MINDY2: variants seen among roughly 807,000 people sequenced by gnomAD.
The protein encoded by MINDY2 is MINDY lysine 48 deubiquitinase 2, also known as ubiquitin carboxyl-terminal hydrolase MINDY-2.
MINDY2 carries 52 observed loss-of-function variants against 68.2 expected under a neutral mutation model. The ratio of observed to expected loss-of-function variants is 0.76; its 90% confidence interval spans 0.61 to 0.96. The LOEUF is 0.96. Among genes scored for constraint, MINDY2 ranks in the 40% least tolerant of loss-of-function variants. MINDY2 has a pLI of 0.00. For synonymous variants in MINDY2, 372 were observed against 303.0 expected (o/e 1.23, Z -2.36); for missense variants, 881 against 773.4 (o/e 1.14, Z -1.65).
chr15:58,823,537 C>G (rs1429372044), intron 5 of MINDY2, among the ~76,000 whole-genome samples: 5 of 151,916 alleles, frequency 3.3e-5, no homozygotes, highest in Non-Finnish European at 4.4e-5. Flanking sequence ...ATTAGCCAGG[C>G]ACCTCTAGCT....
intron 2 of MINDY2, among the ~76,000 whole-genome samples, chr15:58,801,380 TAAAAAAAAAAAAAAA>T (rs1188514448): frequency 8.9e-5 from 2 of 22,590 alleles, no homozygotes; most frequent in Admixed American, 9.7e-4. Flanking sequence ...CCCCATCTCT[TAAAAAAAAAAAAAAA>T]AAAAAAAAAA....
Position 58,772,062 on chromosome 15 carries a change from G to A in MINDY2, c.667G>A (p.Gly223Arg), listed in dbSNP as rs369473023. The change falls in exon 1 of 9, where the codon GGG becomes AGG. Residue 223 changes from glycine to arginine, a missense_variant. Transcript: ENST00000559228. ...GAVPLCKEEE[G>R]EETAQVLAAS... ...TGTTCCTCTGTGCAAGGAGGAGGAGGGGGAGGAGACCGCTCAGGTGCTGGC... is the reference window on the plus strand; with the variant it reads ...TGTTCCTCTGTGCAAGGAGGAGGAGAGGGAGGAGACCGCTCAGGTGCTGGC... 3 of 1,611,602 alleles carry A rather than the reference G, an allele frequency of 1.9e-6. No homozygotes were observed. The highest frequency in any genetic ancestry group is 2.5e-6 in the Non-Finnish European group (3 of 1,178,560).
chr15:58,773,990 C>A (rs1166652174), intron 1 of MINDY2, among the ~76,000 whole-genome samples: 1 of 152,120 alleles, frequency 6.6e-6, no homozygotes. Flanking sequence ...AGTCCCTAAT[C>A]TTTTTTGTAG....
chr15:58,842,307 G>A (rs1213401390), intron 6 of MINDY2, among the ~76,000 whole-genome samples: 1 of 152,008 alleles, frequency 6.6e-6, no homozygotes, highest in African/African-American at 2.4e-5. Flanking sequence ...TATGAGGTTG[G>A]TTCTGTTTGC....
chr15:58,828,180 C>T (rs1037883594), intron 5 of MINDY2, among the ~76,000 whole-genome samples: 1 of 151,892 alleles, frequency 6.6e-6, no homozygotes, highest in Non-Finnish European at 1.5e-5. Flanking sequence ...ATCATATGAG[C>T]TTTTATCTTT....
At chr15:58,782,121 T>C (rs1300019688) in intron 1 of MINDY2, among the ~76,000 whole-genome samples, 31 of 152,224 alleles carry the variant, frequency 2.0e-4, no homozygotes, top group African/African-American at 7.2e-4. Flanking sequence ...AATCCTTAAG[T>C]TTTTGAGTCC....
chr15:58,785,734 T>C (rs1032013434), intron 1 of MINDY2, among the ~76,000 whole-genome samples: 2 of 152,178 alleles, frequency 1.3e-5, no homozygotes, highest in Admixed American at 1.3e-4. Flanking sequence ...TGGAGCGTAG[T>C]GGCACGATCT....
intron 6 of MINDY2, among the ~76,000 whole-genome samples, chr15:58,842,923 G>C (rs2032350936): frequency 6.6e-6 from 1 of 152,074 alleles, no homozygotes; most frequent in Non-Finnish European, 1.5e-5. Context: ...TGACTTTCAA[G>C]TCAACAACTA....
At chr15:58,828,454 T>A (rs1348890682) in intron 5 of MINDY2, among the ~76,000 whole-genome samples, 12 of 152,178 alleles carry the variant, frequency 7.9e-5, no homozygotes, top group African/African-American at 2.9e-4. Context: ...TATTCCTTTT[T>A]GACTAATTAT....
chr15:58,793,750 C>T (rs1229952326), intron 2 of MINDY2, among the ~76,000 whole-genome samples: 2 of 152,060 alleles, frequency 1.3e-5, no homozygotes, highest in Non-Finnish European at 2.9e-5. Context: ...GTGGTTGCAG[C>T]GCGTCTCTTG....
chr15:58,781,747 G>A (rs1395265650), intron 1 of MINDY2, among the ~76,000 whole-genome samples: 2 of 151,838 alleles, frequency 1.3e-5, no homozygotes, highest in Non-Finnish European at 2.9e-5. Context: ...TACTAAAAAT[G>A]CAAAAATTAG....
intron 1 of MINDY2, among the ~76,000 whole-genome samples, chr15:58,776,431 T>C (rs1595696034): frequency 6.6e-6 from 1 of 152,128 alleles, no homozygotes; most frequent in East Asian, 1.9e-4. Context: ...AAAACCAGCA[T>C]GGGCACAATT....
intron 5 of MINDY2, among the ~76,000 whole-genome samples, chr15:58,823,868 C>T (rs2031228895): frequency 3.9e-5 from 6 of 152,088 alleles, no homozygotes; most frequent in Admixed American, 3.9e-4. Flanking sequence ...AAAAAAATTC[C>T]ACTCACTAGA....
intron 5 of MINDY2, among the ~76,000 whole-genome samples, chr15:58,831,037 G>GTATATATATATA (rs549317915): frequency 2.6e-3 from 288 of 110,300 alleles, no homozygotes; most frequent in African/African-American, 0.011. Context: ...GTGTGTGTGT[G>GTATATATATATA]TGTGTATATA....
At chr15:58,837,114 G>A (rs1184934506) in intron 6 of MINDY2, among the ~76,000 whole-genome samples, 2 of 152,058 alleles carry the variant, frequency 1.3e-5, no homozygotes, top group Non-Finnish European at 2.9e-5. Context: ...GTGTCCATTT[G>A]CTTAATAAGG....
At chr15:58,824,885 G>T (rs1567063189) in intron 5 of MINDY2, among the ~76,000 whole-genome samples, 2 of 151,976 alleles carry the variant, frequency 1.3e-5, no homozygotes, top group Non-Finnish European at 2.9e-5. Context: ...GGCCAGGCTG[G>T]TCTCAAACTC....
In MINDY2 at chr15:58,861,473, C is replaced by T. The variant is rs1297400718; in HGVS notation, c.*6863C>T. The T allele has an allele frequency of 6.6e-6, 1 of 152,102 alleles. No individual in the cohort carries two copies. The highest frequency in any genetic ancestry group is 1.5e-5 in the Non-Finnish European group (1 of 68,020). The allele number at this position is 152,102 out of a possible 1,614,324, so 9.4% of individuals were successfully genotyped here. A position where few individuals can be genotyped will look rare whatever the true frequency, so the allele number is the denominator to read the frequency against. On this transcript the variant is annotated 3_prime_UTR_variant, in exon 9 of 9. Coordinates refer to ENST00000559228, the MANE Select transcript of MINDY2 (RefSeq NM_001040450.3). ...TTTAATTTCAATTGAGGAATAATAA[C>T]AACCCTAGAGATTCATAGGAAAGAG...
At chr15:58,786,897 T>C (rs1901541042) in intron 1 of MINDY2, among the ~76,000 whole-genome samples, 2 of 152,228 alleles carry the variant, frequency 1.3e-5, no homozygotes, top group South Asian at 4.1e-4. Context: ...TGGTGCATTC[T>C]TGGCTCACTG....
intron 3 of MINDY2, among the ~76,000 whole-genome samples, chr15:58,808,026 C>T (rs1424836322): frequency 1.3e-5 from 2 of 151,890 alleles, no homozygotes; most frequent in African/African-American, 2.4e-5. Flanking sequence ...ACTCCCCTCC[C>T]TCCCTCTCTC....
Sources: allele counts gnomAD v4.1 joint callset (sites outside exome capture counted in the v4.1 genomes callset), GRCh38; gene constraint gnomAD v4.1.1; transcripts MANE v1.5; gene names NCBI Gene and HGNC (gene_info 2026-07-23, HGNC 2026-07-21).